PLA2G4A: variants seen among roughly 807,000 people sequenced by gnomAD.
PLA2G4A encodes cytosolic phospholipase A2.
Under a neutral mutation model 81.9 loss-of-function variants are expected in PLA2G4A, and 40 were observed. That is an observed-to-expected ratio of 0.49 (90% CI 0.38 to 0.64). PLA2G4A has a LOEUF of 0.64. Among genes scored for constraint, PLA2G4A ranks in the 30% least tolerant of loss-of-function variants. The pLI is 0.00. For synonymous variants in PLA2G4A, 302 were observed against 296.9 expected, an observed-to-expected ratio of 1.02 and a Z score of -0.18; for missense variants, 715 against 905.1, an observed-to-expected ratio of 0.79 and a Z score of 2.69.
In PLA2G4A at chr1:186,837,750, AAAG is replaced by A. The variant is rs1412844218; in HGVS notation, c.-70+8718_-70+8720del. Reference sequence around the variant, plus strand: ...AGACTCCGTCTCAAAAAAAAAAAAAAAAGAAAAAGAAAAGAAAAAAAGAAAATA... The same window carrying A: ...AGACTCCGTCTCAAAAAAAAAAAAAAAAAAAGAAAAGAAAAAAAGAAAATA... On this transcript the variant is annotated intron_variant, in intron 1 of 17. Transcript: ENST00000367466. 6.1e-5 allele frequency among the ~76,000 whole-genome samples: 9 copies of A among 148,050 alleles called. 1 individual carries two copies. Among genetic ancestry groups the A allele is most frequent in the African/African-American group, 2.0e-4 (8 of 39,412 alleles).
rs979714800 is a variant in PLA2G4A at position 186,965,722 on chromosome 1, T to G, written c.1764+129T>G. ...TTTCTACATCTTTATGAGTAATAGT[T>G]CTAAAACGCAAACATGGTTCAATCA... On this transcript the variant is annotated intron_variant, in intron 15 of 17. Coordinates refer to ENST00000367466, the MANE Select transcript of PLA2G4A (RefSeq NM_024420.3). The G allele has an allele frequency of 1.9e-5, 14 of 752,440 alleles. No individual in the cohort carries two copies. In the Admixed American group the frequency reaches 2.3e-4, roughly 12 times the overall value. The allele number at this position is 752,440 out of a possible 1,614,324, so 46.6% of individuals were successfully genotyped here.
In PLA2G4A at chr1:186,942,817, G is replaced by A. The variant is rs1656198949; in HGVS notation, c.1033+2723G>A. Among the ~76,000 whole-genome samples, 5 of 152,126 alleles carry A rather than the reference G, an allele frequency of 3.3e-5. No individual in the cohort carries two copies. In the South Asian group the frequency reaches 1.0e-3, roughly 32 times the overall value. ...GTCTTCTTTTGACATCTGCTTCACT[G>A]CAGTACTGCTACTGAGATGAGTGGT... On this transcript the variant is annotated intron_variant, in intron 10 of 17. Coordinates refer to ENST00000367466, the MANE Select transcript of PLA2G4A (RefSeq NM_024420.3).
rs751625866 is a variant in PLA2G4A at position 186,946,699 on chromosome 1, G to A, written c.1096G>A (p.Asp366Asn). Residue 366 changes from aspartate to asparagine, a missense_variant, in exon 11 of 18, where the codon GAC becomes AAC. Asp to Asn is a conservative substitution (Grantham distance 23). Coordinates refer to ENST00000367466, the MANE Select transcript of PLA2G4A (RefSeq NM_024420.3). ...MAKYGTFMAP[D>N]LFGSKFFMGT... ...TAAATATGGTACTTTTATGGCTCCC[G>A]ACTTATTTGGAAGCAAATTTTTTAT... The A allele has an allele frequency of 3.1e-6, 5 of 1,609,934 alleles. No homozygotes were observed. The highest frequency in any genetic ancestry group is 2.2e-5 in the East Asian group (1 of 44,832).
rs773957336 is a variant in PLA2G4A at position 186,854,323 on chromosome 1, G to A, written c.-32G>A. On this transcript the variant is annotated 5_prime_UTR_variant, in exon 2 of 18. It adds an upstream start codon to the 5' untranslated region. Coordinates refer to ENST00000367466, the MANE Select transcript of PLA2G4A (RefSeq NM_024420.3). Reference sequence around the variant, plus strand: ...CTAGAGTGCCAAAGAAGACTTTGAAGTGTGAAAACATTTCCTGTAATTGAA... The same window carrying A: ...CTAGAGTGCCAAAGAAGACTTTGAAATGTGAAAACATTTCCTGTAATTGAA... 2 of 1,388,134 alleles carry A rather than the reference G, an allele frequency of 1.4e-6. No individual in the cohort carries two copies. Among genetic ancestry groups the A allele is most frequent in the South Asian group, 1.2e-5 (1 of 86,312 alleles). 86.0% of individuals were successfully genotyped at this position (1,388,134 alleles called of 1,614,324 possible). A position where few individuals can be genotyped will look rare whatever the true frequency, so the allele number is the denominator to read the frequency against.
At chr1:186,882,666 A>T (rs1653779581) in intron 3 of PLA2G4A, among the ~76,000 whole-genome samples, 1 of 152,102 alleles carries the variant, frequency 6.6e-6, no homozygotes, top group Non-Finnish European at 1.5e-5. Flanking sequence ...CTGACTTGGT[A>T]GGCAGTGAAG....
chr1:186,846,306 A>G (rs953730868), intron 1 of PLA2G4A, among the ~76,000 whole-genome samples: 2 of 152,192 alleles, frequency 1.3e-5, no homozygotes, highest in African/African-American at 4.8e-5. Flanking sequence ...AGTGATTTTT[A>G]TCCTGAAGGA....
chr1:186,831,644 A>G (rs1651595019), intron 1 of PLA2G4A, among the ~76,000 whole-genome samples: 1 of 152,202 alleles, frequency 6.6e-6, no homozygotes, highest in African/African-American at 2.4e-5. Flanking sequence ...TATTATAAAG[A>G]TAAATCACAC....
chr1:186,934,037 T>G (rs1430997859), intron 8 of PLA2G4A, among the ~76,000 whole-genome samples: 3 of 152,162 alleles, frequency 2.0e-5, no homozygotes, highest in African/African-American at 7.2e-5. Context: ...ATGATTTATT[T>G]CTTCTGAAGG....
intron 1 of PLA2G4A, among the ~76,000 whole-genome samples, chr1:186,852,187 T>C (rs548314245): frequency 3.9e-4 from 60 of 152,102 alleles, no homozygotes; most frequent in Non-Finnish European, 6.6e-4. Flanking sequence ...CCTGCCTTCA[T>C]AGAATTTATA....
chr1:186,874,403 C>T (rs994745520), intron 3 of PLA2G4A, among the ~76,000 whole-genome samples: 16 of 152,052 alleles, frequency 1.1e-4, no homozygotes, highest in African/African-American at 3.9e-4. Context: ...AACACAGATC[C>T]TGAATGATAA....
At chr1:186,947,089 G>A in intron 12 of PLA2G4A, 128 bp downstream of exon 12, 1 of 637,210 alleles carries the variant, frequency 1.6e-6, no homozygotes, top group Non-Finnish European at 2.8e-6. Context: ...TAATTTGGTT[G>A]AATCAATCTA....
At chr1:186,891,029 C>T (rs888560683) in intron 3 of PLA2G4A, among the ~76,000 whole-genome samples, 1 of 152,034 alleles carries the variant, frequency 6.6e-6, no homozygotes, top group Non-Finnish European at 1.5e-5. Flanking sequence ...AAACAATATT[C>T]TTCTCACAAT....
At chr1:186,917,060 C>A (rs944487647) in intron 7 of PLA2G4A, among the ~76,000 whole-genome samples, 2 of 151,966 alleles carry the variant, frequency 1.3e-5, no homozygotes, top group Non-Finnish European at 2.9e-5. Flanking sequence ...AGGTTTCACA[C>A]GGCTGTGGTG....
intron 1 of PLA2G4A, among the ~76,000 whole-genome samples, chr1:186,831,835 GTTTA>G (rs1651602945): frequency 6.6e-6 from 1 of 152,042 alleles, no homozygotes; most frequent in African/African-American, 2.4e-5. Flanking sequence ...GTATATACAT[GTTTA>G]TATGTCTAGA....
intron 5 of PLA2G4A, 87 bp from the exon 6 acceptor site, chr1:186,906,878 G>T (rs1571387861): frequency 7.0e-6 from 5 of 709,344 alleles, no homozygotes; most frequent in Middle Eastern, 3.5e-4. Context: ...AAATAATCTG[G>T]CACTCAAAAT....
At chr1:186,884,136 T>G (rs951260409) in intron 3 of PLA2G4A, among the ~76,000 whole-genome samples, 1 of 152,076 alleles carries the variant, frequency 6.6e-6, no homozygotes, top group African/African-American at 2.4e-5. Context: ...TAAGGATACT[T>G]TTACTTCTAA....
At chr1:186,978,029 C>A (rs1312340023) in intron 16 of PLA2G4A, among the ~76,000 whole-genome samples, 2 of 152,228 alleles carry the variant, frequency 1.3e-5, no homozygotes, top group Non-Finnish European at 2.9e-5. Context: ...GCAAAAATCT[C>A]TGGGACTTTA....
chr1:186,908,373 T>G (rs1471404485), intron 6 of PLA2G4A, among the ~76,000 whole-genome samples: 1 of 151,994 alleles, frequency 6.6e-6, no homozygotes, highest in Admixed American at 6.6e-5. Context: ...CAGAACAGTA[T>G]ATTACAGAGA....
At chr1:186,967,260 T>C (rs2102279194) in intron 15 of PLA2G4A, among the ~76,000 whole-genome samples, 1 of 152,252 alleles carries the variant, frequency 6.6e-6, no homozygotes, top group African/African-American at 2.4e-5. Context: ...TTTGGGGTAG[T>C]AAAGGTATTC....
Sources: gnomAD v4.1 joint callset for allele counts (sites outside exome capture counted in the v4.1 genomes callset) on GRCh38, gnomAD v4.1.1 for gene constraint, MANE v1.5 for transcripts, NCBI Gene and HGNC (gene_info 2026-07-23, HGNC 2026-07-21) for gene names.